The following PTPRT variants were observed in gnomAD, a reference collection of about 807,000 sequenced individuals.
PTPRT encodes protein tyrosine phosphatase receptor type T, also known as receptor-type tyrosine-protein phosphatase T.
Under a neutral mutation model 176.8 loss-of-function variants are expected in PTPRT, and 56 were observed. The ratio of observed to expected loss-of-function variants is 0.32; its 90% CI spans 0.26 to 0.40. The LOEUF is 0.40. PTPRT is among the 10% of genes least tolerant of loss of function. The pLI is 1.00. For synonymous variants in PTPRT, 783 were observed against 739.0 expected, an observed-to-expected ratio of 1.06 and a Z score of -0.96; for missense variants, 1,540 against 1,908.2, an observed-to-expected ratio of 0.81 and a Z score of 3.60.
intron 27 of PTPRT, among the ~76,000 whole-genome samples, chr20:42,095,174 T>G (rs8123173): frequency 0.023 from 3,555 of 152,218 alleles, 139 homozygotes; most frequent in African/African-American, 0.08. Flanking sequence ...CTGCTTCCAT[T>G]TCAGAAACCA....
intron 7 of PTPRT, among the ~76,000 whole-genome samples, chr20:42,628,851 A>G (rs2074347299): frequency 6.6e-6 from 1 of 152,182 alleles, no homozygotes; most frequent in South Asian, 2.1e-4. Flanking sequence ...AGTAGTTACA[A>G]CAGAGACCAT....
At chr20:43,099,154 T>TC (rs3092558) in intron 1 of PTPRT, among the ~76,000 whole-genome samples, 79,391 of 151,758 alleles carry the variant, frequency 0.52, 21,423 homozygotes, top group African/African-American at 0.63. Context: ...TAATAATGTA[T>TC]TTTATATCAT....
chr20:42,190,374 C>T (rs1230481212), intron 16 of PTPRT, among the ~76,000 whole-genome samples: 3 of 152,292 alleles, frequency 2.0e-5, no homozygotes, highest in South Asian at 2.1e-4. Flanking sequence ...TTCCCAGATT[C>T]GGGGACCCTC....
chr20:42,240,587 A>C (rs563480644), intron 14 of PTPRT, among the ~76,000 whole-genome samples: 1 of 152,174 alleles, frequency 6.6e-6, no homozygotes, highest in Non-Finnish European at 1.5e-5. Flanking sequence ...AAAGTTGTCT[A>C]TCTAACGACC....
intron 9 of PTPRT, among the ~76,000 whole-genome samples, chr20:42,416,495 C>T (rs913836224): frequency 2.0e-5 from 3 of 152,150 alleles, no homozygotes; most frequent in Non-Finnish European, 4.4e-5. Flanking sequence ...TTTGAAAATC[C>T]ACTCGTTCAC....
At chr20:42,708,723 TA>T (rs1376484523) in intron 6 of PTPRT, among the ~76,000 whole-genome samples, 1 of 152,232 alleles carries the variant, frequency 6.6e-6, no homozygotes, top group African/African-American at 2.4e-5. Context: ...CCTATCATAA[TA>T]AAGACATTAT....
intron 7 of PTPRT, among the ~76,000 whole-genome samples, chr20:42,632,141 T>A (rs892266094): frequency 2.4e-4 from 36 of 152,146 alleles, no homozygotes; most frequent in Non-Finnish European, 2.9e-4. Flanking sequence ...ATCCTTCCTA[T>A]GCATTGTCAC....
chr20:42,843,439 C>G (rs1012883197), intron 2 of PTPRT, among the ~76,000 whole-genome samples: 1 of 152,170 alleles, frequency 6.6e-6, no homozygotes. Flanking sequence ...GAAATCAACC[C>G]AAGCAATGAC....
chr20:42,793,231 T>C (rs546118643), intron 2 of PTPRT, among the ~76,000 whole-genome samples: 1 of 152,330 alleles, frequency 6.6e-6, no homozygotes, highest in East Asian at 1.9e-4. Context: ...CTGTGTTTCA[T>C]GGATATGTTG....
chr20:42,575,632 C>G (rs2073245002), intron 7 of PTPRT, among the ~76,000 whole-genome samples: 1 of 152,160 alleles, frequency 6.6e-6, no homozygotes, highest in African/African-American at 2.4e-5. Flanking sequence ...TTTATTGGAA[C>G]ATTCACCCTA....
At chr20:42,432,711 G>A (rs943748655) in intron 9 of PTPRT, among the ~76,000 whole-genome samples, 3 of 152,144 alleles carry the variant, frequency 2.0e-5, no homozygotes, top group African/African-American at 7.2e-5. Flanking sequence ...ATTCCTTTCT[G>A]CTGATTCCAA....
At chr20:43,188,196 A>G (rs963396165) in intron 1 of PTPRT, among the ~76,000 whole-genome samples, 2 of 151,912 alleles carry the variant, frequency 1.3e-5, no homozygotes, top group Non-Finnish European at 2.9e-5. Flanking sequence ...TAGCACACCT[A>G]ACACACCCCC....
intron 15 of PTPRT, among the ~76,000 whole-genome samples, chr20:42,203,494 T>A (rs1224601285): frequency 6.6e-6 from 1 of 152,158 alleles, no homozygotes; most frequent in Admixed American, 6.5e-5. Flanking sequence ...ATACTCCATA[T>A]TCCTTGATGT....
At chr20:42,848,235 A>G (rs1204444849) in intron 2 of PTPRT, among the ~76,000 whole-genome samples, 3 of 152,144 alleles carry the variant, frequency 2.0e-5, no homozygotes, top group Non-Finnish European at 4.4e-5. Context: ...TTGTTGATTG[A>G]TGGAGTTTAG....
chr20:42,788,236 C>CCCAAGG (rs3091717), intron 3 of PTPRT, among the ~76,000 whole-genome samples: 77,253 of 150,916 alleles, frequency 0.51, 19,878 homozygotes, highest in African/African-American at 0.53. Context: ...CCCTGACCAC[C>CCCAAGG]CCAAGGCCAG....
chr20:42,544,682 C>T (rs921867623), intron 7 of PTPRT, among the ~76,000 whole-genome samples: 6 of 152,136 alleles, frequency 3.9e-5, no homozygotes, highest in Non-Finnish European at 5.9e-5. Flanking sequence ...AGTAGCCTGG[C>T]TGTTTATGTG....
At chr20:42,442,623 T>G (rs1162772966) in intron 9 of PTPRT, among the ~76,000 whole-genome samples, 1 of 152,246 alleles carries the variant, frequency 6.6e-6, no homozygotes, top group Non-Finnish European at 1.5e-5. Context: ...ACTGGGAGGC[T>G]TCATATGTCT....
At chr20:42,222,649 G>A (rs540783888) in intron 15 of PTPRT, among the ~76,000 whole-genome samples, 59 of 152,332 alleles carry the variant, frequency 3.9e-4, no homozygotes, top group African/African-American at 1.4e-3. Context: ...AGCTGAACGC[G>A]TGGAGGTTCC....
chr20:42,264,962 T>C (rs73254754), intron 13 of PTPRT, among the ~76,000 whole-genome samples: 3,515 of 152,304 alleles, frequency 0.023, 145 homozygotes, highest in African/African-American at 0.08. Flanking sequence ...TTACCAATGG[T>C]CAGCTTGCCT....
Sources: gnomAD v4.1 joint callset for allele counts (sites outside exome capture counted in the v4.1 genomes callset) on GRCh38, gnomAD v4.1.1 for gene constraint, MANE v1.5 for transcripts, NCBI Gene and HGNC (gene_info 2026-07-23, HGNC 2026-07-21) for gene names.